The following TBC1D9 variants were observed in gnomAD, a reference collection of about 807,000 sequenced individuals.
TBC1D9 encodes the protein TBC1 domain family member 9, also known as TBC1 domain family member 9A.
TBC1D9 carries 63 observed loss-of-function variants against 132.0 expected under a neutral mutation model. The observed-to-expected ratio is 0.48, with a 90% CI of 0.39 to 0.59. The LOEUF (loss-of-function observed/expected upper bound fraction) is 0.59, where lower values mean the gene tolerates loss of function less well. Among genes scored for constraint, TBC1D9 ranks in the 20% least tolerant of loss-of-function variants. The pLI is 0.00. For missense variants in TBC1D9, 1,261 were observed against 1,592.7 expected, an observed-to-expected ratio of 0.79 and a Z score of 3.54; for synonymous variants, 610 against 609.9, an observed-to-expected ratio of 1.00 and a Z score of 0.00.
At chr4:140,644,382 G>A in intron 13 of TBC1D9, 1 of 285,404 alleles carries the variant, frequency 3.5e-6, no homozygotes, top group East Asian at 1.2e-4. Context: ...AGGCGCCTTG[G>A]ACACGTCCTC....
chr4:140,700,531 T>A (rs184368796), intron 2 of TBC1D9, among the ~76,000 whole-genome samples: 212 of 150,476 alleles, frequency 1.4e-3, no homozygotes, highest in East Asian at 0.011. Context: ...TTAAAAAAAA[T>A]TTTTTTTGCT....
chr4:140,753,969 A>G (rs1270901246), intron 1 of TBC1D9, among the ~76,000 whole-genome samples: 1 of 152,250 alleles, frequency 6.6e-6, no homozygotes, highest in Non-Finnish European at 1.5e-5. Context: ...TTGTTGTCAT[A>G]AATACTTTTA....
intron 8 of TBC1D9, 125 bp downstream of exon 8, chr4:140,669,509 A>C (rs538179531): frequency 9.0e-7 from 1 of 1,106,042 alleles, no homozygotes; most frequent in African/African-American, 1.6e-5. Context: ...TTAGACAAAA[A>C]TCTGCTTAAC....
chr4:140,711,259 C>T (rs1738238739), intron 1 of TBC1D9, among the ~76,000 whole-genome samples: 1 of 152,180 alleles, frequency 6.6e-6, no homozygotes. Flanking sequence ...TGATTCTAAT[C>T]TTGGCTGTAG....
rs770941144 is a variant in TBC1D9 at position 140,622,436 on chromosome 4, G to A, written c.3560C>T (p.Thr1187Met). Residue 1187 changes from threonine (T) to methionine (M), a missense_variant, in exon 21 of 21, where the codon ACG becomes ATG. By Grantham distance (81) the Thr-to-Met change is moderately conservative. Coordinates refer to ENST00000442267, the MANE Select transcript of TBC1D9 (RefSeq NM_015130.3). ...GCCCTGGCCGCTCCGCACCAGGACC[G>A]TGTCCTCTCCGATGTCCTCGCAGTG... ...KLHCEDIGED[T>M]VLVRSGQGTA... 20 of 1,613,776 alleles carry A rather than the reference G, an allele frequency of 1.2e-5. No homozygotes were observed. The highest frequency in any genetic ancestry group is 1.5e-5 in the Non-Finnish European group (18 of 1,179,826).
rs552469188 is a variant in TBC1D9 at position 140,627,508 on chromosome 4, A to G, written c.2832T>C (p.Asp944=). ...HVLPEPSSDQ[D]EPDSAFEATQ... ...TTGCTTCAAAAGCAGAATCTGGTTC[A>G]TCTTGATCAGAGGATGGCTCTAGGG... The change falls in exon 18 of 21, where the codon GAT becomes GAC. Residue 944 remains aspartate (D), a synonymous_variant. Transcript: ENST00000442267. The G allele has an allele frequency of 7.5e-6, 12 of 1,609,772 alleles. No homozygotes were observed. In the African/African-American group the frequency reaches 9.3e-5, roughly 13 times the overall value.
intron 13 of TBC1D9, chr4:140,643,947 T>C: frequency 1.6e-6 from 1 of 634,780 alleles, no homozygotes; most frequent in Non-Finnish European, 2.9e-6. Flanking sequence ...ATCCTCCACC[T>C]CCACCTTCGC....
intron 13 of TBC1D9, among the ~76,000 whole-genome samples, chr4:140,656,383 A>C (rs1045879146): frequency 6.6e-6 from 1 of 152,142 alleles, no homozygotes; most frequent in African/African-American, 2.4e-5. Context: ...AATAATCAAA[A>C]CAGATAAGCT....
chr4:140,641,656 G>C (rs115732077), intron 13 of TBC1D9, among the ~76,000 whole-genome samples: 1 of 151,996 alleles, frequency 6.6e-6, no homozygotes, highest in Admixed American at 6.6e-5. Context: ...GGAGGAGGGC[G>C]GAGAGGAAGG....
chr4:140,747,802 C>T (rs1229640923), intron 1 of TBC1D9, among the ~76,000 whole-genome samples: 1 of 152,184 alleles, frequency 6.6e-6, no homozygotes, highest in Non-Finnish European at 1.5e-5. Flanking sequence ...ACCCTTTCCT[C>T]TTTGGGTTGG....
rs1736921413 is a variant in TBC1D9 at position 140,638,979 on chromosome 4, CT to C, written c.2505+106del. On this transcript the variant is annotated intron_variant, in intron 15 of 20. Transcript: ENST00000442267. ...GTTTTGTACTCTCAGCTCTAGCTTC[CT>C]ATTTATATTATCCCTTAATTTAACA... The C allele has an allele frequency of 2.6e-5, 20 of 764,534 alleles. No individual in the cohort carries two copies. In the East Asian group the frequency reaches 5.4e-4, roughly 21 times the overall value. 47.4% of individuals were successfully genotyped at this position (764,534 alleles called of 1,614,324 possible). A position where few individuals can be genotyped will look rare whatever the true frequency, so the allele number is the denominator to read the frequency against.
chr4:140,642,577 C>T (rs1198361580), intron 13 of TBC1D9: 7 of 953,742 alleles, frequency 7.3e-6, no homozygotes, highest in Non-Finnish European at 1.2e-5. Flanking sequence ...TTGCCAACTG[C>T]TCCTGGTCGC....
chr4:140,747,281 G>T (rs760848212), intron 1 of TBC1D9, among the ~76,000 whole-genome samples: 4 of 152,002 alleles, frequency 2.6e-5, no homozygotes, highest in Non-Finnish European at 5.9e-5. Flanking sequence ...GAACTCAGGA[G>T]GTGGAGATTG....
intron 1 of TBC1D9, among the ~76,000 whole-genome samples, chr4:140,748,117 A>G (rs1738865208): frequency 6.6e-6 from 1 of 152,218 alleles, no homozygotes; most frequent in Admixed American, 6.5e-5. Flanking sequence ...CGAGATATTT[A>G]AGTTAATTGA....
At chr4:140,638,595 A>G (rs922825831) in intron 15 of TBC1D9, among the ~76,000 whole-genome samples, 9 of 152,046 alleles carry the variant, frequency 5.9e-5, no homozygotes, top group African/African-American at 2.2e-4. Flanking sequence ...TGGGCAACAG[A>G]GTGAGAGCAA....
chr4:140,642,683 G>C (rs1025076630), intron 13 of TBC1D9: 1 of 668,954 alleles, frequency 1.5e-6, no homozygotes, highest in African/African-American at 1.8e-5. Flanking sequence ...GGCTTTCCCT[G>C]TTCCAATAAG....
intron 2 of TBC1D9, among the ~76,000 whole-genome samples, chr4:140,687,960 T>G (rs1480779174): frequency 6.6e-6 from 1 of 152,062 alleles, no homozygotes; most frequent in East Asian, 1.9e-4. Context: ...CATGGTGGCA[T>G]GTGCCTGTAG....
At chr4:140,639,830 C>A (rs1270398470) in intron 13 of TBC1D9, among the ~76,000 whole-genome samples, 1 of 152,312 alleles carries the variant, frequency 6.6e-6, no homozygotes, top group South Asian at 2.1e-4. Context: ...CTGCTCCTGA[C>A]CAGTAGGTTC....
At chr4:140,684,029 ATT>A (rs1160257365) in intron 3 of TBC1D9, among the ~76,000 whole-genome samples, 2 of 152,220 alleles carry the variant, frequency 1.3e-5, no homozygotes, top group Non-Finnish European at 2.9e-5. Context: ...ATATAACAAT[ATT>A]GTAGATACTG....
Sources: gnomAD v4.1 joint callset for allele counts (sites outside exome capture counted in the v4.1 genomes callset) on GRCh38, gnomAD v4.1.1 for gene constraint, MANE v1.5 for transcripts, NCBI Gene and HGNC (gene_info 2026-07-23, HGNC 2026-07-21) for gene names.